SPPL3: variants seen among roughly 807,000 people sequenced by gnomAD.
SPPL3 encodes the protein signal peptide peptidase like 3, also known as signal peptide peptidase-like 3.
Under a neutral mutation model 42.4 loss-of-function variants are expected in SPPL3, and 5 were observed. That is an observed-to-expected ratio of 0.12 (90% CI 0.06 to 0.25). SPPL3 has a LOEUF of 0.25. Among genes scored for constraint, SPPL3 ranks in the 10% least tolerant of loss-of-function variants. The probability of loss-of-function intolerance (pLI) is 1.00; values close to 1 mark genes in which losing one functional copy is unlikely to be tolerated. For missense variants in SPPL3, 235 were observed against 489.0 expected, an observed-to-expected ratio of 0.48 and a Z score of 4.90; for synonymous variants, 195 against 181.8, an observed-to-expected ratio of 1.07 and a Z score of -0.58.
chr12:120,826,566 T>C (rs1871237614), intron 1 of SPPL3, among the ~76,000 whole-genome samples: 1 of 152,126 alleles, frequency 6.6e-6, no homozygotes, highest in Non-Finnish European at 1.5e-5. Context: ...GGGAAACCTG[T>C]TCAGTGTTAC....
At chr12:120,828,461 A>G (rs1160322537) in intron 1 of SPPL3, among the ~76,000 whole-genome samples, 1 of 152,170 alleles carries the variant, frequency 6.6e-6, no homozygotes, top group Non-Finnish European at 1.5e-5. Context: ...GAAGGAAGGA[A>G]GTAATACAGA....
intron 1 of SPPL3, among the ~76,000 whole-genome samples, chr12:120,829,194 T>C (rs1441744053): frequency 6.6e-6 from 1 of 152,230 alleles, no homozygotes; most frequent in Non-Finnish European, 1.5e-5. Flanking sequence ...ATAAAGCTTC[T>C]AGAAGAAAAC....
chr12:120,773,175 A>G (rs973023689), intron 6 of SPPL3, among the ~76,000 whole-genome samples: 3 of 152,212 alleles, frequency 2.0e-5, no homozygotes, highest in African/African-American at 2.4e-5. Context: ...ACTCACACGC[A>G]TATTTGAAAG....
intron 2 of SPPL3, among the ~76,000 whole-genome samples, chr12:120,803,421 G>A (rs1035623512): frequency 2.0e-5 from 3 of 151,994 alleles, no homozygotes; most frequent in East Asian, 1.9e-4. Context: ...AGTTATACTC[G>A]TTCATCCATT....
rs1347856001 is a variant in SPPL3 at position 120,811,912 on chromosome 12, G to A, written c.24-1026C>T. On this transcript the variant is annotated intron_variant, in intron 1 of 10. Transcript: ENST00000353487. ...AATGTTACAAAAGAGAGAAAGAGAA[G>A]TATAGGGTACTATGATAATGTATAT... 2.0e-5 allele frequency among the ~76,000 whole-genome samples: 3 copies of A among 152,266 alleles called. No homozygotes were observed. In the East Asian group the frequency reaches 5.8e-4, roughly 29 times the overall value.
intron 1 of SPPL3, among the ~76,000 whole-genome samples, chr12:120,838,219 G>A (rs1208507761): frequency 6.6e-6 from 1 of 152,198 alleles, no homozygotes; most frequent in East Asian, 1.9e-4. Context: ...TCTGAATTTG[G>A]TAGGTTATCA....
At chr12:120,856,426 AG>A (rs1298229454) in intron 1 of SPPL3, among the ~76,000 whole-genome samples, 1 of 151,744 alleles carries the variant, frequency 6.6e-6, no homozygotes, top group African/African-American at 2.4e-5. Flanking sequence ...AGGGCAGAGC[AG>A]AAGAATACAC....
intron 1 of SPPL3, among the ~76,000 whole-genome samples, chr12:120,865,315 A>C (rs1228861773): frequency 1.3e-5 from 2 of 152,242 alleles, no homozygotes; most frequent in African/African-American, 4.8e-5. Context: ...TGCACTGCAC[A>C]ATCAGCACAG....
intron 1 of SPPL3, among the ~76,000 whole-genome samples, chr12:120,829,867 A>G (rs576454446): frequency 6.6e-6 from 1 of 152,052 alleles, no homozygotes; most frequent in African/African-American, 2.4e-5. Context: ...GGTGGCAGGC[A>G]TCTGTAATCT....
intron 2 of SPPL3, among the ~76,000 whole-genome samples, chr12:120,809,945 T>C (rs1870628248): frequency 6.6e-6 from 1 of 152,044 alleles, no homozygotes; most frequent in Admixed American, 6.6e-5. Flanking sequence ...ATAATCTACT[T>C]ACTTACAAGC....
rs373326481 is a variant in SPPL3, at chr12:120,764,991, G to A, written c.*8C>T. ...TGACGGCCATCTGGTCACTTTCCAC[G>A]TGATCCATCATACTTCCAGGAATCG... On this transcript the variant is annotated 3_prime_UTR_variant, in exon 11 of 11. Transcript: ENST00000353487. 96 of 1,613,496 alleles carry A rather than the reference G, an allele frequency of 5.9e-5. No homozygotes were observed. The African/African-American group carries it at 8.4e-4, about 14-fold the overall frequency.
rs529800737 is a variant in SPPL3 at position 120,788,401 on chromosome 12, C to G, written c.190+3068G>C. 3.9e-5 allele frequency among the ~76,000 whole-genome samples: 6 copies of G among 152,142 alleles called. No individual in the cohort carries two copies. The South Asian group carries it at 1.2e-3, about 32-fold the overall frequency. ...ATTACCCAGTCTTTTGGTCAAATACCCTAGGGCACCCTGCAGCGAGAAACT... is the reference window on the plus strand; with the variant it reads ...ATTACCCAGTCTTTTGGTCAAATACGCTAGGGCACCCTGCAGCGAGAAACT... On this transcript the variant is annotated intron_variant, in intron 3 of 10. Coordinates refer to ENST00000353487, the MANE Select transcript of SPPL3 (RefSeq NM_139015.5).
chr12:120,812,102 A>C (rs1463987474), intron 1 of SPPL3, among the ~76,000 whole-genome samples: 8 of 80,860 alleles, frequency 9.9e-5, no homozygotes, highest in African/African-American at 3.5e-4. Context: ...TGTACCATTT[A>C]GTGGAAAAAA....
chr12:120,864,572 G>A (rs1566064129), intron 1 of SPPL3, among the ~76,000 whole-genome samples: 1 of 152,042 alleles, frequency 6.6e-6, no homozygotes, highest in Non-Finnish European at 1.5e-5. Flanking sequence ...AAGTCATCAA[G>A]CCCAAAAATC....
intron 1 of SPPL3, among the ~76,000 whole-genome samples, chr12:120,887,113 C>T (rs901421934): frequency 2.6e-5 from 4 of 151,916 alleles, no homozygotes; most frequent in African/African-American, 9.7e-5. Context: ...TCACGCCCGG[C>T]TAATTTTTGT....
intron 10 of SPPL3, among the ~76,000 whole-genome samples, chr12:120,765,271 G>A (rs981556848): frequency 2.0e-5 from 3 of 146,624 alleles, no homozygotes; most frequent in Non-Finnish European, 4.4e-5. Context: ...GAGCTGCTGC[G>A]CTTGGCCCCT....
chr12:120,831,343 T>C (rs978407908), intron 1 of SPPL3, among the ~76,000 whole-genome samples: 2 of 152,146 alleles, frequency 1.3e-5, no homozygotes, highest in Non-Finnish European at 2.9e-5. Flanking sequence ...ATTGGTTCTA[T>C]TTCTCTGGAG....
intron 6 of SPPL3, among the ~76,000 whole-genome samples, chr12:120,771,925 C>T (rs1289394519): frequency 1.3e-5 from 2 of 152,242 alleles, no homozygotes; most frequent in Admixed American, 6.5e-5. Flanking sequence ...GTCCTGCCCC[C>T]GGCTCCTTCA....
At position 120,794,528 on chromosome 12, in the gene SPPL3, G is replaced by A. The variant is rs12366675; in HGVS notation, c.102-2971C>T. Reference sequence around the variant, plus strand: ...TTCTCCTGCCTCAGCCTCCCGAGTAGCTGGGACTACAGGCGCATGCCACCA... The same window carrying A: ...TTCTCCTGCCTCAGCCTCCCGAGTAACTGGGACTACAGGCGCATGCCACCA... On this transcript the variant is annotated intron_variant, in intron 2 of 10. Coordinates refer to ENST00000353487, the MANE Select transcript of SPPL3 (RefSeq NM_139015.5). Among the ~76,000 whole-genome samples, 18 of 152,250 alleles carry A rather than the reference G, an allele frequency of 1.2e-4. No homozygotes were observed. In the East Asian group the frequency reaches 3.3e-3, roughly 28 times the overall value.
Sources: allele counts gnomAD v4.1 joint callset (sites outside exome capture counted in the v4.1 genomes callset), GRCh38; gene constraint gnomAD v4.1.1; transcripts MANE v1.5; gene names NCBI Gene and HGNC (gene_info 2026-07-23, HGNC 2026-07-21).